PRR16: variants seen among roughly 807,000 people sequenced by gnomAD.
PRR16 encodes the protein proline rich 16, also known as protein Largen.
PRR16 carries 6 observed loss-of-function variants against 18.2 expected under a neutral mutation model. The ratio of observed to expected loss-of-function variants is 0.33; its 90% CI spans 0.18 to 0.65. PRR16 has a LOEUF of 0.65. Among genes scored for constraint, PRR16 ranks in the 30% least tolerant of loss-of-function variants. The pLI, the probability that PRR16 is intolerant of heterozygous loss-of-function variation, is 0.74. For missense variants in PRR16, 412 were observed against 376.6 expected (o/e 1.09, Z -0.78); for synonymous variants, 151 against 147.8 (o/e 1.02, Z -0.16).
the PRR16 span, among the ~76,000 whole-genome samples, chr5:120,761,351 G>A: frequency 6.6e-6 from 1 of 152,118 alleles, no homozygotes; most frequent in East Asian, 1.9e-4. Flanking sequence ...ATGGTGTTTG[G>A]AGGTAGAATC....
chr5:120,654,692 C>A (rs1010739054), intron 1 of PRR16, among the ~76,000 whole-genome samples: 1 of 151,684 alleles, frequency 6.6e-6, no homozygotes, highest in Non-Finnish European at 1.5e-5. Flanking sequence ...TATACTACAT[C>A]CCTTAAAAAG....
the PRR16 span, chr5:120,790,592 T>C: frequency 6.6e-6 from 1 of 152,224 alleles, no homozygotes. Context: ...AATAGCATTG[T>C]TGTCAATTGC....
At chr5:120,584,567 GT>G (rs879404680) in intron 1 of PRR16, among the ~76,000 whole-genome samples, 2 of 152,024 alleles carry the variant, frequency 1.3e-5, no homozygotes, top group African/African-American at 2.4e-5. Flanking sequence ...TTGATATTCT[GT>G]TCCCCAGGCA....
chr5:120,575,923 T>C (rs901886400), intron 1 of PRR16, among the ~76,000 whole-genome samples: 3 of 152,040 alleles, frequency 2.0e-5, no homozygotes, highest in African/African-American at 7.2e-5. Context: ...GTACACACAA[T>C]AGAGAAAGAA....
At chr5:120,573,118 T>C (rs1361263217) in intron 1 of PRR16, among the ~76,000 whole-genome samples, 1 of 152,184 alleles carries the variant, frequency 6.6e-6, no homozygotes, top group African/African-American at 2.4e-5. Context: ...AAGGCAAATG[T>C]AGGGCCATGG....
At chr5:120,745,477 C>G in the PRR16 span, among the ~76,000 whole-genome samples, 1 of 151,998 alleles carries the variant, frequency 6.6e-6, no homozygotes, top group Non-Finnish European at 1.5e-5. Flanking sequence ...TTAGAATCAC[C>G]TTTATCTCCC....
intron 1 of PRR16, among the ~76,000 whole-genome samples, chr5:120,473,404 C>T (rs1049502330): frequency 1.3e-5 from 2 of 152,038 alleles, no homozygotes; most frequent in African/African-American, 4.8e-5. Flanking sequence ...TGAAGCCAGT[C>T]TGCTTTTTTT....
At chr5:120,775,185 A>G in the PRR16 span, among the ~76,000 whole-genome samples, 1 of 152,186 alleles carries the variant, frequency 6.6e-6, no homozygotes, top group Non-Finnish European at 1.5e-5. Context: ...AACATGTTGA[A>G]AATTTACTCT....
chr5:120,658,386 C>T (rs1412994338), intron 1 of PRR16: 1 of 150,438 alleles, frequency 6.6e-6, no homozygotes, highest in Non-Finnish European at 1.5e-5. Flanking sequence ...TCTTGTTCTT[C>T]ATGGAACCAA....
At chr5:120,626,334 C>G (rs183679701) in intron 1 of PRR16, among the ~76,000 whole-genome samples, 24 of 152,118 alleles carry the variant, frequency 1.6e-4, no homozygotes, top group Non-Finnish European at 2.5e-4. Flanking sequence ...AAAAAAAGCC[C>G]CACAGAAACA....
chr5:120,534,106 C>A (rs1183584747), intron 1 of PRR16, among the ~76,000 whole-genome samples: 3 of 152,126 alleles, frequency 2.0e-5, no homozygotes, highest in Non-Finnish European at 4.4e-5. Context: ...TCCACATAGA[C>A]ATCTTGAATA....
At chr5:120,698,843 A>G in the PRR16 span, among the ~76,000 whole-genome samples, 85 of 152,218 alleles carry the variant, frequency 5.6e-4, no homozygotes, top group African/African-American at 1.8e-3. Flanking sequence ...AGGACCGTAA[A>G]GGATATAAAG....
chr5:120,778,119 G>A, the PRR16 span, among the ~76,000 whole-genome samples: 1 of 151,974 alleles, frequency 6.6e-6, no homozygotes, highest in Non-Finnish European at 1.5e-5. Flanking sequence ...TTAATTACAA[G>A]TTTAATGGCA....
intron 1 of PRR16, among the ~76,000 whole-genome samples, chr5:120,503,954 A>G (rs1484325414): frequency 6.6e-6 from 1 of 152,036 alleles, no homozygotes; most frequent in African/African-American, 2.4e-5. Flanking sequence ...CCATGTCCCT[A>G]CAAAGGCCAT....
At chr5:120,562,384 G>A (rs1752603207) in intron 1 of PRR16, among the ~76,000 whole-genome samples, 1 of 152,110 alleles carries the variant, frequency 6.6e-6, no homozygotes, top group East Asian at 1.9e-4. Context: ...TAGGAGAAGT[G>A]TATATCTTGT....
chr5:120,677,127 C>G (rs953017527), intron 1 of PRR16, among the ~76,000 whole-genome samples: 1 of 152,100 alleles, frequency 6.6e-6, no homozygotes, highest in Non-Finnish European at 1.5e-5. Flanking sequence ...CAGCAGAACA[C>G]GAAGTTGTAG....
At chr5:120,505,952 A>G (rs868659229) in intron 1 of PRR16, among the ~76,000 whole-genome samples, 129 of 146,418 alleles carry the variant, frequency 8.8e-4, no homozygotes, top group African/African-American at 3.1e-3. Context: ...GTGTGTATAT[A>G]TATATATATA....
chr5:120,690,976 TAAG>T (rs1043797318), downstream of PRR16, among the ~76,000 whole-genome samples: 2 of 152,106 alleles, frequency 1.3e-5, no homozygotes, highest in African/African-American at 4.8e-5. Context: ...ACAGGGAAAA[TAAG>T]GAGGAAATAT....
chr5:120,606,982 G>A (rs927685252), intron 1 of PRR16, among the ~76,000 whole-genome samples: 6 of 152,222 alleles, frequency 3.9e-5, no homozygotes, highest in Middle Eastern at 3.4e-3. Context: ...ATTTAACAAT[G>A]CAAAGATCCA....
Sources: gnomAD v4.1 joint callset for allele counts (sites outside exome capture counted in the v4.1 genomes callset) on GRCh38, gnomAD v4.1.1 for gene constraint, MANE v1.5 for transcripts, NCBI Gene and HGNC (gene_info 2026-07-23, HGNC 2026-07-21) for gene names.